ANKS1A: variants seen among roughly 807,000 people sequenced by gnomAD.
ANKS1A encodes ankyrin repeat and sterile alpha motif domain containing 1A, also known as ankyrin repeat and SAM domain-containing protein 1A.
Under a neutral mutation model 120.3 loss-of-function variants are expected in ANKS1A, and 55 were observed. The observed-to-expected ratio is 0.46, with a 90% CI of 0.37 to 0.57. The LOEUF is 0.57. Ranked by LOEUF, ANKS1A falls within the 20% of genes least tolerant of loss-of-function variation. ANKS1A has a pLI of 0.00. For synonymous variants in ANKS1A, 590 were observed against 604.7 expected, an observed-to-expected ratio of 0.98 and a Z score of 0.36; for missense variants, 1,123 against 1,480.3, an observed-to-expected ratio of 0.76 and a Z score of 3.96.
At chr6:35,066,081 G>A (rs559139480) in intron 13 of ANKS1A, among the ~76,000 whole-genome samples, 1 of 152,332 alleles carries the variant, frequency 6.6e-6, no homozygotes, top group East Asian at 1.9e-4. Flanking sequence ...ACTTTCGGCA[G>A]GTTACCCTTC....
downstream of ANKS1A, among the ~76,000 whole-genome samples, chr6:35,092,162 C>T (rs940965785): frequency 2.6e-5 from 4 of 152,158 alleles, no homozygotes; most frequent in African/African-American, 9.7e-5. Context: ...ATTCATAAAG[C>T]GGGAGGGACC....
In ANKS1A at chr6:34,982,085, C is replaced by G. The variant is rs1202903280; in HGVS notation, c.732+99C>G. 2.9e-6 allele frequency: 4 copies of G among 1,389,740 alleles called. No individual in the cohort carries two copies. The African/African-American group carries it at 4.3e-5, about 15-fold the overall frequency. The allele number at this position is 1,389,740 out of a possible 1,614,324, so 86.1% of individuals were successfully genotyped here. A position where few individuals can be genotyped will look rare whatever the true frequency, so the allele number is the denominator to read the frequency against. On this transcript the variant is annotated intron_variant, in intron 4 of 23. Coordinates refer to ENST00000360359, the MANE Select transcript of ANKS1A (RefSeq NM_015245.3). This position sits in a 1 kb window ranked among gnomAD's most constrained non-coding sequence, Gnocchi z 4.9. The stretch of plus-strand genomic sequence containing the variant: ...GCTGGGCTGTGCTCTTTATTTAGCA[C>G]GTTTCACATCATGTTTCAAATGCTT...
At chr6:34,983,281 G>C (rs1331749800) in intron 6 of ANKS1A, 43 bp from the exon 7 acceptor site, 1 of 1,611,488 alleles carries the variant, frequency 6.2e-7, no homozygotes, top group South Asian at 1.1e-5. Context: ...ATTTGTATTT[G>C]GTGCAGCACT....
At chr6:34,928,155 G>A (rs1354845119) in intron 1 of ANKS1A, among the ~76,000 whole-genome samples, 3 of 152,158 alleles carry the variant, frequency 2.0e-5, no homozygotes, top group Non-Finnish European at 4.4e-5. Context: ...CCCTTCATAA[G>A]GAAGCCTGTA....
chr6:35,037,815 A>T (rs1429360062), intron 11 of ANKS1A, among the ~76,000 whole-genome samples: 2 of 152,108 alleles, frequency 1.3e-5, no homozygotes, highest in Non-Finnish European at 2.9e-5. Flanking sequence ...TTTACCACCC[A>T]TTAGTGGCAC....
intron 20 of ANKS1A, among the ~76,000 whole-genome samples, chr6:35,083,803 G>A (rs902961269): frequency 3.9e-5 from 6 of 152,130 alleles, no homozygotes; most frequent in African/African-American, 1.4e-4. Context: ...GACTTTCTCT[G>A]TGTGCCACCG....
At chr6:35,068,605 C>A (rs1185812541) in intron 13 of ANKS1A, among the ~76,000 whole-genome samples, 2 of 152,172 alleles carry the variant, frequency 1.3e-5, no homozygotes, top group African/African-American at 2.4e-5. Context: ...CGCCACATAC[C>A]CCCTCTCCCC....
chr6:35,040,431 G>A (rs1243882277), intron 11 of ANKS1A, among the ~76,000 whole-genome samples: 1 of 152,174 alleles, frequency 6.6e-6, no homozygotes, highest in African/African-American at 2.4e-5. Flanking sequence ...CAAGTTTGTT[G>A]ATCCCTGTAC....
rs1464289094 is a variant in ANKS1A, at chr6:35,082,559, G to A, written c.2710-132G>A. On this transcript the variant is annotated intron_variant, in intron 17 of 23. Transcript: ENST00000360359. The surrounding 1 kb of genome is among the most constrained non-coding windows in gnomAD (Gnocchi z 4.1). ...TGTTTGAATTGCTGGTCTGCCCCCT[G>A]CCATCTCCACTCGACCCTTGAACTT... 14 of 1,177,852 alleles carry A rather than the reference G, an allele frequency of 1.2e-5. No homozygotes were observed. The highest frequency in any genetic ancestry group is 1.5e-5 in the Non-Finnish European group (13 of 866,388). 73.0% of individuals were successfully genotyped at this position (1,177,852 alleles called of 1,614,324 possible).
At position 35,078,638 on chromosome 6, in the gene ANKS1A, G is replaced by A. The variant is rs377225487; in HGVS notation, c.2265G>A (p.Ala755=). ...DPQHRRKLLQ[A]ARSLPKVKAL... The stretch of plus-strand genomic sequence containing the variant: ...AGCACCGGCGGAAGCTGCTCCAGGC[G>A]GCACGCTCCCTACCCAAGGTGACCA... Residue 755 remains alanine, a synonymous_variant, in exon 14 of 24, where the codon GCG becomes GCA. Transcript: ENST00000360359. The A allele has an allele frequency of 1.0e-5, 16 of 1,603,026 alleles. No homozygotes were observed. Among genetic ancestry groups the A allele is most frequent in the East Asian group, 2.2e-5 (1 of 44,886 alleles).
At chr6:34,901,961 C>A (rs1404186431) in intron 1 of ANKS1A, among the ~76,000 whole-genome samples, 2 of 152,162 alleles carry the variant, frequency 1.3e-5, no homozygotes, top group African/African-American at 4.8e-5. Context: ...CCTATGGGTC[C>A]TATATACCTA....
At chr6:34,903,260 A>G (rs9368836) in intron 1 of ANKS1A, among the ~76,000 whole-genome samples, 46,198 of 151,776 alleles carry the variant, frequency 0.3, 9,790 homozygotes, top group African/African-American at 0.58. Context: ...AAATTGGCTC[A>G]TTGTGGGGTT....
chr6:34,945,411 A>G (rs542198023), intron 1 of ANKS1A, among the ~76,000 whole-genome samples: 2 of 152,314 alleles, frequency 1.3e-5, no homozygotes, highest in East Asian at 1.9e-4. Flanking sequence ...TATGAAAGGT[A>G]TAAGGTCTGT....
rs759563416 is a variant in ANKS1A at position 35,085,863 on chromosome 6, C to T, written c.3230C>T (p.Ser1077Phe). The T allele has an allele frequency of 6.2e-7, 1 of 1,613,862 alleles. No individual in the cohort carries two copies. The highest frequency in any genetic ancestry group is 8.5e-7 in the Non-Finnish European group (1 of 1,179,934). The change falls in exon 22 of 24, where the codon TCT becomes TTT. Residue 1077 changes from serine to phenylalanine, a missense_variant. Ser to Phe is a radical substitution (Grantham distance 155). Around this residue, in one of 3 missense-constraint regions of ANKS1A, gnomAD observed 904 missense variants for 1,130.4 expected, o/e 0.80. Transcript: ENST00000360359. The surrounding 1 kb of genome is among the most constrained non-coding windows in gnomAD (Gnocchi z 4.7). ...CAGAAGTCCAGGGCGACGGGCGCCT[C>T]TGCAGCTGAGATGATTGAAACAAAA... ...QAQKSRATGA[S>F]AAEMIETKSS...
chr6:35,020,958 G>T (rs889360832), intron 11 of ANKS1A, among the ~76,000 whole-genome samples: 8 of 152,214 alleles, frequency 5.3e-5, no homozygotes, highest in Admixed American at 2.6e-4. Flanking sequence ...TTATTGGAAA[G>T]AATTCAGAAG....
chr6:35,025,951 A>G (rs1217567076), intron 11 of ANKS1A, among the ~76,000 whole-genome samples: 2 of 152,140 alleles, frequency 1.3e-5, no homozygotes, highest in Admixed American at 6.5e-5. Context: ...ATCAAGCACC[A>G]GGGAGGGAGC....
At chr6:34,999,581 A>G (rs531685321) in intron 10 of ANKS1A, among the ~76,000 whole-genome samples, 220 of 152,312 alleles carry the variant, frequency 1.4e-3, no homozygotes, top group South Asian at 1.4e-3. Context: ...CGGTGTTACT[A>G]TGACACCAGG....
At chr6:35,028,725 A>G (rs1217452986) in intron 11 of ANKS1A, among the ~76,000 whole-genome samples, 1 of 152,164 alleles carries the variant, frequency 6.6e-6, no homozygotes, top group Non-Finnish European at 1.5e-5. Flanking sequence ...TTTTCATGTA[A>G]TAGTAATTTT....
At position 34,959,809 on chromosome 6, in the gene ANKS1A, G is replaced by A. The variant is rs1302833498; in HGVS notation, c.198-7430G>A. The stretch of plus-strand genomic sequence containing the variant: ...GTGGTAAGTAAATTTAGCTATGAGT[G>A]TTGATGGATTTTTGAAATCAGATAG... On this transcript the variant is annotated intron_variant, in intron 1 of 23. Coordinates refer to ENST00000360359, the MANE Select transcript of ANKS1A (RefSeq NM_015245.3). Among the ~76,000 whole-genome samples, 5 of 152,214 alleles carry A rather than the reference G, an allele frequency of 3.3e-5. No individual in the cohort carries two copies. In the East Asian group the frequency reaches 9.6e-4, roughly 29 times the overall value.
Sources: gnomAD v4.1 joint callset for allele counts (sites outside exome capture counted in the v4.1 genomes callset) on GRCh38, gnomAD v4.1.1 for gene constraint, gnomAD v4.1.1 regional missense constraint, Gnocchi (gnomAD v3.1) non-coding constraint, MANE v1.5 for transcripts, NCBI Gene and HGNC (gene_info 2026-07-23, HGNC 2026-07-21) for gene names.